Variants in RARRES1 observed in about 807,000 individuals in gnomAD.
RARRES1 encodes retinoic acid receptor responder protein 1.
Under a neutral mutation model 30.6 loss-of-function variants are expected in RARRES1, and 34 were observed. The observed-to-expected ratio is 1.11, with a 90% CI of 0.84 to 1.48. The LOEUF (loss-of-function observed/expected upper bound fraction) is 1.48. Among genes scored for constraint, RARRES1 ranks in the 40% most tolerant of loss-of-function variants. RARRES1 has a pLI of 0.00. For synonymous variants in RARRES1, 153 were observed against 155.5 expected, an observed-to-expected ratio of 0.98 and a Z score of 0.12; for missense variants, 373 against 386.5, an observed-to-expected ratio of 0.97 and a Z score of 0.29.
chr3:158,729,664 G>A (rs2108157310), intron 1 of RARRES1, among the ~76,000 whole-genome samples: 1 of 152,128 alleles, frequency 6.6e-6, no homozygotes, highest in South Asian at 2.1e-4. Context: ...ATCTTGGCCA[G>A]GCTGGTCTTG....
At chr3:158,718,103 C>T (rs376519549) in intron 1 of RARRES1, among the ~76,000 whole-genome samples, 13 of 151,878 alleles carry the variant, frequency 8.6e-5, no homozygotes, top group Admixed American at 7.2e-4. Flanking sequence ...CTCAGTCTCC[C>T]GAGTAGCTGG....
chr3:158,713,141 A>G (rs1727198668), intron 2 of RARRES1, among the ~76,000 whole-genome samples: 1 of 152,100 alleles, frequency 6.6e-6, no homozygotes, highest in Non-Finnish European at 1.5e-5. Flanking sequence ...TTCTCAGCAC[A>G]AGACAAAGAG....
intron 2 of RARRES1, among the ~76,000 whole-genome samples, chr3:158,712,987 G>A (rs1361333094): frequency 1.3e-5 from 2 of 152,228 alleles, no homozygotes; most frequent in African/African-American, 2.4e-5. Context: ...AGAGCATACT[G>A]CTGTCATGTT....
intron 1 of RARRES1, among the ~76,000 whole-genome samples, chr3:158,719,397 G>T (rs960759848): frequency 3.3e-5 from 5 of 151,190 alleles, no homozygotes; most frequent in Non-Finnish European, 5.9e-5. Context: ...TCAGCCTCCC[G>T]AGTAGCTGGG....
intron 4 of RARRES1, among the ~76,000 whole-genome samples, chr3:158,703,965 TC>T (rs1726820553): frequency 1.3e-5 from 2 of 152,180 alleles, no homozygotes; most frequent in Non-Finnish European, 2.9e-5. Flanking sequence ...ATGCCCCAAA[TC>T]AAGATAATTC....
chr3:158,727,514 C>A (rs1168249701), intron 1 of RARRES1, among the ~76,000 whole-genome samples: 1 of 152,210 alleles, frequency 6.6e-6, no homozygotes, highest in Admixed American at 6.5e-5. Flanking sequence ...CGGCCTCTCA[C>A]CAAATGCTCC....
At chr3:158,710,434 T>C (rs1727081119) in intron 3 of RARRES1, among the ~76,000 whole-genome samples, 1 of 152,100 alleles carries the variant, frequency 6.6e-6, no homozygotes, top group African/African-American at 2.4e-5. Context: ...GGTCTTGATC[T>C]CCTGACCTCG....
intron 1 of RARRES1, among the ~76,000 whole-genome samples, chr3:158,716,012 C>T (rs1727311287): frequency 6.6e-6 from 1 of 152,218 alleles, no homozygotes; most frequent in Admixed American, 6.5e-5. Flanking sequence ...GTCGCTGCAC[C>T]CCGCACCTGC....
intron 4 of RARRES1, among the ~76,000 whole-genome samples, chr3:158,704,011 A>G (rs1480872949): frequency 1.3e-5 from 2 of 152,036 alleles, no homozygotes; most frequent in Admixed American, 1.3e-4. Flanking sequence ...AGCTTCCCCA[A>G]TCGGTAAATG....
At chr3:158,709,302 T>C (rs1013300695) in intron 3 of RARRES1, among the ~76,000 whole-genome samples, 3 of 152,220 alleles carry the variant, frequency 2.0e-5, no homozygotes, top group African/African-American at 7.2e-5. Flanking sequence ...TCCAATACAA[T>C]TTCTAAAATT....
intron 4 of RARRES1, among the ~76,000 whole-genome samples, chr3:158,703,592 C>T (rs1726807269): frequency 6.6e-6 from 1 of 152,180 alleles, no homozygotes; most frequent in South Asian, 2.1e-4. Flanking sequence ...TTTGTCCCCA[C>T]TGTGCCAGTG....
chr3:158,698,922 C>A (rs923897364), intron 4 of RARRES1, among the ~76,000 whole-genome samples: 1 of 152,134 alleles, frequency 6.6e-6, no homozygotes, highest in Non-Finnish European at 1.5e-5. Context: ...CTTTTACCTT[C>A]CCTTTTACCA....
chr3:158,714,057 A>G lies in RARRES1; in HGVS notation c.277-198T>C, dbSNP rs909350427. Among the ~76,000 whole-genome samples the G allele has an allele frequency of 2.6e-5, 4 of 151,966 alleles. No individual in the cohort carries two copies. In the South Asian group the frequency reaches 8.3e-4, roughly 32 times the overall value. On this transcript the variant is annotated intron_variant, in intron 1 of 5. Transcript: ENST00000237696. ...CATTCTGCTTGCTAGTTTGACACCT[A>G]CTCACAAAGAGGGAGACTGAGAAAG...
At position 158,732,192 on chromosome 3, in the gene RARRES1, C is replaced by T. The variant is rs1475017275; in HGVS notation, c.224G>A (p.Gly75Asp). Reference sequence around the variant, plus strand: ...CAGCACTCGTAGCGCGCTGGGCGAGCCGGACCGGAAGTTGAAGAAGTGAAG... The same window carrying T: ...CAGCACTCGTAGCGCGCTGGGCGAGTCGGACCGGAAGTTGAAGAAGTGAAG... ...AALHFFNFRS[G>D]SPSALRVLAE... Residue 75 changes from glycine (G) to aspartate (D), a missense_variant, in exon 1 of 6, where the codon GGC becomes GAC. Coordinates refer to ENST00000237696, the MANE Select transcript of RARRES1 (RefSeq NM_206963.2). The T allele has an allele frequency of 9.8e-6, 14 of 1,422,986 alleles. No homozygotes were observed. The highest frequency in any genetic ancestry group is 1.5e-5 in the African/African-American group (1 of 66,808). The allele number at this position is 1,422,986 out of a possible 1,614,324, so 88.1% of individuals were successfully genotyped here.
At position 158,697,675 on chromosome 3, in the gene RARRES1, T is replaced by G; in HGVS notation, c.*3A>C. On this transcript the variant is annotated 3_prime_UTR_variant, in exon 6 of 6. Coordinates refer to ENST00000237696, the MANE Select transcript of RARRES1 (RefSeq NM_206963.2). ...GAAGTCGGAAAAAGATCATTTTTTC[T>G]TTTTAGAAATTACTAAGCTCTGTTG... The G allele has an allele frequency of 6.2e-7, 1 of 1,603,866 alleles. No homozygotes were observed. Among genetic ancestry groups the G allele is most frequent in the Non-Finnish European group, 8.5e-7 (1 of 1,175,440 alleles).
chr3:158,706,249 C>T (rs1726919600), intron 3 of RARRES1, among the ~76,000 whole-genome samples: 1 of 152,292 alleles, frequency 6.6e-6, no homozygotes, highest in Non-Finnish European at 1.5e-5. Context: ...ATAGTTGATA[C>T]ATTCCTTAAG....
At chr3:158,705,442 A>C (rs1726887777) in intron 3 of RARRES1, among the ~76,000 whole-genome samples, 1 of 148,208 alleles carries the variant, frequency 6.7e-6, no homozygotes, top group Non-Finnish European at 1.5e-5. Context: ...GTTAGTTAAG[A>C]AGCTTTTTTT....
In RARRES1 at chr3:158,710,787, G is replaced by T; in HGVS notation, c.486C>A (p.Tyr162Ter). ...GGTTTTTCAGTTGCTTCATTTGCTT[G>T]TAAAGCAGGTAATCCTCTTGTTGTC... ...KKRQQEDYLL[Y>*]KQMKQLKNPL... The change falls in exon 3 of 6, where the codon TAC becomes TAA. Residue 162 changes from tyrosine to a stop codon, truncating the protein, a stop_gained. Transcript: ENST00000237696. LOFTEE classifies it high-confidence loss of function. The T allele has an allele frequency of 6.2e-7, 1 of 1,613,456 alleles. No individual in the cohort carries two copies. Among genetic ancestry groups the T allele is most frequent in the Non-Finnish European group, 8.5e-7 (1 of 1,179,552 alleles).
At chr3:158,720,829 G>C (rs1727490548) in intron 1 of RARRES1, among the ~76,000 whole-genome samples, 2 of 152,122 alleles carry the variant, frequency 1.3e-5, no homozygotes, top group South Asian at 4.1e-4. Context: ...AAGGACACCA[G>C]CCATTGGATT....
Sources: gnomAD v4.1 joint callset for allele counts (sites outside exome capture counted in the v4.1 genomes callset) on GRCh38, gnomAD v4.1.1 for gene constraint, MANE v1.5 for transcripts, NCBI Gene and HGNC (gene_info 2026-07-23, HGNC 2026-07-21) for gene names.